The following STIM2 variants were observed in gnomAD, a reference collection of about 807,000 sequenced individuals.
STIM2 encodes the protein stromal interaction molecule 2.
A neutral mutation model predicts 85.8 loss-of-function variants in STIM2; 31 were observed. The ratio of observed to expected loss-of-function variants is 0.36; its 90% CI spans 0.27 to 0.49. The LOEUF is 0.49. STIM2 is among the 20% of genes least tolerant of loss of function. STIM2 has a pLI of 0.98. For missense variants in STIM2, 841 were observed against 927.6 expected, an observed-to-expected ratio of 0.91 and a Z score of 1.21; for synonymous variants, 356 against 331.1, an observed-to-expected ratio of 1.08 and a Z score of -0.82.
rs989723872 is a variant in STIM2 at position 26,975,902 on chromosome 4, C to T, written c.397+18176C>T. ...AGGCCTTGTTGAGCTGTGGTGGCTCCGCCCAGTTCCAGCTACCAGGCTGCT... is the reference window on the plus strand; with the variant it reads ...AGGCCTTGTTGAGCTGTGGTGGCTCTGCCCAGTTCCAGCTACCAGGCTGCT... On this transcript the variant is annotated intron_variant, in intron 3 of 11. Coordinates refer to ENST00000467087, the MANE Select transcript of STIM2 (RefSeq NM_020860.4). Among the ~76,000 whole-genome samples, 7 of 152,188 alleles carry T rather than the reference C, an allele frequency of 4.6e-5. No homozygotes were observed. The East Asian group carries it at 5.8e-4, about 13-fold the overall frequency.
intron 1 of STIM2, among the ~76,000 whole-genome samples, chr4:26,880,619 GTAAATATATATA>G (rs1341073046): frequency 7.6e-5 from 11 of 144,420 alleles, no homozygotes; most frequent in East Asian, 2.0e-4. Flanking sequence ...AAATATATAT[GTAAATATATATA>G]TAAATATATA....
At chr4:26,998,336 CTTA>C (rs1274645968) in intron 4 of STIM2, among the ~76,000 whole-genome samples, 2 of 152,066 alleles carry the variant, frequency 1.3e-5, no homozygotes, top group Non-Finnish European at 2.9e-5. Flanking sequence ...TGGTTTAGTA[CTTA>C]TTATTATATA....
At chr4:27,004,379 C>T (rs1041523548) in intron 7 of STIM2, among the ~76,000 whole-genome samples, 2 of 152,048 alleles carry the variant, frequency 1.3e-5, no homozygotes, top group Admixed American at 1.3e-4. Context: ...AAGGCCTAGT[C>T]GAAATCATAC....
chr4:26,958,425 A>G (rs539352216), intron 3 of STIM2, among the ~76,000 whole-genome samples: 77 of 152,288 alleles, frequency 5.1e-4, no homozygotes, highest in African/African-American at 1.8e-3. Flanking sequence ...GTAAGCATAT[A>G]TTTTTCTCTG....
rs750210211 is a variant in STIM2, at chr4:27,002,352, G to C, written c.761G>C (p.Ser254Thr). ...GCAAAAATGATGAAAGATTTAGAGAGCTTACAAACTGCAGAGCAAAGTCTA... is the reference window on the plus strand; with the variant it reads ...GCAAAAATGATGAAAGATTTAGAGACCTTACAAACTGCAGAGCAAAGTCTA... The change falls in exon 6 of 12, where the codon AGC (serine) becomes ACC (threonine). Residue 254 changes from serine (S) to threonine (T), a missense_variant. By Grantham distance (58) the Ser-to-Thr change is moderately conservative. This residue lies in a region of STIM2 where 408 missense variants were observed against 525.4 expected (regional missense o/e 0.78). Coordinates refer to ENST00000467087, the MANE Select transcript of STIM2 (RefSeq NM_020860.4). The C allele has an allele frequency of 2.5e-6, 4 of 1,612,438 alleles. No individual in the cohort carries two copies. The highest frequency in any genetic ancestry group is 3.4e-6 in the Non-Finnish European group (4 of 1,179,594).
chr4:26,997,959 A>C (rs909426397), intron 4 of STIM2, among the ~76,000 whole-genome samples: 2 of 152,144 alleles, frequency 1.3e-5, no homozygotes, highest in African/African-American at 2.4e-5. Context: ...TAGTGTTTCA[A>C]AGTAGTCTTT....
chr4:26,911,335 AC>A (rs1187179835), intron 1 of STIM2, among the ~76,000 whole-genome samples: 2 of 152,166 alleles, frequency 1.3e-5, no homozygotes, highest in African/African-American at 4.8e-5. Flanking sequence ...ATTTAGGGGA[AC>A]TTTTAGCTAA....
intron 1 of STIM2, among the ~76,000 whole-genome samples, chr4:26,874,626 T>C (rs1465589917): frequency 6.6e-6 from 1 of 152,178 alleles, no homozygotes; most frequent in Non-Finnish European, 1.5e-5. Context: ...AATAAAAGAA[T>C]GGGATTATTT....
rs192250361 is a variant in STIM2 at position 26,964,276 on chromosome 4, A to G, written c.397+6550A>G. 1.6e-4 allele frequency among the ~76,000 whole-genome samples: 24 copies of G among 152,250 alleles called. No individual in the cohort carries two copies. In the East Asian group the frequency reaches 4.4e-3, roughly 28 times the overall value. ...ACTGTATTAAGGAAGCTTGGTCTGT[A>G]TCTGTCTTGATAGCAAAAAAGGGTA... On this transcript the variant is annotated intron_variant, in intron 3 of 11. Transcript: ENST00000467087.
At chr4:27,010,619 A>G (rs1357441466) in intron 10 of STIM2, among the ~76,000 whole-genome samples, 1 of 152,212 alleles carries the variant, frequency 6.6e-6, no homozygotes. Context: ...ACTCTCGGCA[A>G]TAGAAGTCTA....
intron 10 of STIM2, among the ~76,000 whole-genome samples, chr4:27,010,454 AAG>A (rs1261963670): frequency 2.0e-5 from 3 of 149,292 alleles, no homozygotes; most frequent in Non-Finnish European, 4.4e-5. Flanking sequence ...AAAAAAGAAA[AAG>A]AAAGAAATGC....
chr4:26,880,608 T>TAAATATATATGTAAATATATATAA (rs1560192467), intron 1 of STIM2, among the ~76,000 whole-genome samples: 14 of 146,752 alleles, frequency 9.5e-5, no homozygotes, highest in African/African-American at 3.0e-4. Flanking sequence ...TTCATATATA[T>TAAATATATATGTAAATATATATAA]AAATATATAT....
At chr4:26,974,077 C>T (rs770410985) in intron 3 of STIM2, among the ~76,000 whole-genome samples, 14 of 151,730 alleles carry the variant, frequency 9.2e-5, no homozygotes, top group Admixed American at 3.3e-4. Context: ...TTTTGCTTTC[C>T]ATTTGCTCAG....
chr4:26,941,373 G>C (rs989831272), intron 2 of STIM2, among the ~76,000 whole-genome samples: 11 of 152,002 alleles, frequency 7.2e-5, no homozygotes, highest in South Asian at 2.1e-4. Context: ...TTGTTGGTTT[G>C]TAGTTTAGCT....
rs1488106952 is a variant in STIM2 at position 27,023,606 on chromosome 4, A to G, written c.*610A>G. ...TTTCTAATTGACTTGATTTCTGGAA[A>G]TGAAAACCCGCGCTTTTATTATGGG... On this transcript the variant is annotated 3_prime_UTR_variant, in exon 12 of 12. Transcript: ENST00000467087. 2 of 152,348 alleles carry G rather than the reference A, an allele frequency of 1.3e-5. No homozygotes were observed. Among genetic ancestry groups the G allele is most frequent in the South Asian group, 2.1e-4 (1 of 4,830 alleles). The allele number at this position is 152,348 out of a possible 1,614,324, so 9.4% of individuals were successfully genotyped here.
At chr4:26,983,912 T>A (rs1416132796) in intron 3 of STIM2, among the ~76,000 whole-genome samples, 1 of 152,218 alleles carries the variant, frequency 6.6e-6, no homozygotes, top group Non-Finnish European at 1.5e-5. Flanking sequence ...CCAAGTTGCC[T>A]ACAGAAAATC....
chr4:27,007,491 C>A (rs1446341051), intron 7 of STIM2, 42 bp from the exon 8 acceptor site: 8 of 1,333,910 alleles, frequency 6.0e-6, no homozygotes, highest in Non-Finnish European at 7.9e-6. Context: ...TCCTTCCTTC[C>A]TCCCTCTCTC....
intron 1 of STIM2, among the ~76,000 whole-genome samples, chr4:26,908,185 A>G (rs745545725): frequency 3.3e-5 from 5 of 152,194 alleles, no homozygotes; most frequent in Non-Finnish European, 5.9e-5. Context: ...GATAGCTTTA[A>G]TGAACCTGCT....
At chr4:26,918,795 A>C (rs759360302) in intron 1 of STIM2, among the ~76,000 whole-genome samples, 2 of 152,230 alleles carry the variant, frequency 1.3e-5, no homozygotes, top group Non-Finnish European at 2.9e-5. Flanking sequence ...AGTTTTTGAC[A>C]ACCTGAATGT....
Sources: allele counts gnomAD v4.1 joint callset (sites outside exome capture counted in the v4.1 genomes callset), GRCh38; gene constraint gnomAD v4.1.1; regional missense constraint gnomAD v4.1.1; transcripts MANE v1.5; gene names NCBI Gene and HGNC (gene_info 2026-07-23, HGNC 2026-07-21).